Variants in CD248 observed in about 807,000 individuals in gnomAD.
CD248 encodes endosialin.
A neutral mutation model predicts 8.0 loss-of-function variants in CD248; 7 were observed. The observed-to-expected ratio is 0.88, with a 90% CI of 0.50 to 1.64. CD248 has a LOEUF of 1.64. Ranked by LOEUF, CD248 falls within the 40% of genes most tolerant of loss-of-function variation. The pLI, the probability that CD248 is intolerant of heterozygous loss-of-function variation, is 0.00. For missense variants in CD248, 912 were observed against 1,027.2 expected (o/e 0.89, Z 1.53); for synonymous variants, 418 against 437.1 (o/e 0.96, Z 0.54).
At position 66,314,816 on chromosome 11, in the gene CD248, T is replaced by C; in HGVS notation, c.2212A>G (p.Thr738Ala). 1.3e-6 allele frequency: 2 copies of C among 1,570,582 alleles called. No individual in the cohort carries two copies. The highest frequency in any genetic ancestry group is 1.2e-5 in the South Asian group (1 of 85,956). Residue 738 changes from threonine (T) to alanine (A), a missense_variant, in exon 1 of 1, where the codon ACA becomes GCA. Around this residue, in one of 3 missense-constraint regions of CD248, gnomAD observed 507 missense variants for 562.2 expected, o/e 0.90. Coordinates refer to ENST00000311330, the MANE Select transcript of CD248 (RefSeq NM_020404.3). The surrounding 1 kb of genome is among the most constrained non-coding windows in gnomAD (Gnocchi z 4.0). ...WVIHAGSKSP[T>A]EPMPPRGSLT... ...CTGCCCCTGGGGGGCATGGGTTCTG[T>C]TGGGCTCTTGCTCCCAGCATGGATG...
In CD248 at chr11:66,315,148, G is replaced by T. The variant is rs1854528652; in HGVS notation, c.1880C>A (p.Thr627Asn). 3 of 1,531,374 alleles carry T rather than the reference G, an allele frequency of 2.0e-6. No homozygotes were observed. The highest frequency in any genetic ancestry group is 1.3e-5 in the South Asian group (1 of 77,816). The allele number at this position is 1,531,374 out of a possible 1,614,324, so 94.9% of individuals were successfully genotyped here. Reference sequence around the variant, plus strand: ...AGGGCTGATGGGTGAGGTCTGGTTAGTGGGGCTCTGAGAGGGCAGGAGGGT... The same window carrying T: ...AGGGCTGATGGGTGAGGTCTGGTTATTGGGGCTCTGAGAGGGCAGGAGGGT... The part of the protein sequence containing the change: ...LPTLLPSQSP[T>N]NQTSPISPTH... Residue 627 changes from threonine to asparagine, a missense_variant, in exon 1 of 1, where the codon ACT (threonine) becomes AAT (asparagine). Coordinates refer to ENST00000311330, the MANE Select transcript of CD248 (RefSeq NM_020404.3). This position sits in a 1 kb window ranked among gnomAD's most constrained non-coding sequence, Gnocchi z 4.3.
Position 66,315,293 on chromosome 11 carries a change from C to T in CD248, c.1735G>A (p.Ala579Thr). ...APDALVLRTQATQLPIIPTAQ... is the reference protein window; with the variant it reads ...APDALVLRTQTTQLPIIPTAQ... ...GTTGGGATAATGGGAAGCTGGGTGG[C>T]CTGGGTTCTGAGGACAAGGGCATCT... The change falls in exon 1 of 1, where the codon GCC becomes ACC. Residue 579 changes from alanine (A) to threonine (T), a missense_variant. Ala to Thr is a moderately conservative substitution (Grantham distance 58). Transcript: ENST00000311330. The surrounding 1 kb of genome is among the most constrained non-coding windows in gnomAD (Gnocchi z 4.3). 6.5e-7 allele frequency: 1 copy of T among 1,547,530 alleles called. No individual in the cohort carries two copies. Among genetic ancestry groups the T allele is most frequent in the South Asian group, 1.2e-5 (1 of 80,532 alleles).
At position 66,315,497 on chromosome 11, in the gene CD248, C is replaced by T. The variant is rs1854535328; in HGVS notation, c.1531G>A (p.Ala511Thr). The change falls in exon 1 of 1, where the codon GCC (alanine) becomes ACC (threonine). Residue 511 changes from alanine to threonine, a missense_variant. Ala to Thr is a moderately conservative substitution (Grantham distance 58). Coordinates refer to ENST00000311330, the MANE Select transcript of CD248 (RefSeq NM_020404.3). The surrounding 1 kb of genome is among the most constrained non-coding windows in gnomAD (Gnocchi z 4.3). Reference sequence around the variant, plus strand: ...GTTGAGATCATAGGGGGCTGGTGGGCAGGAGGCTGTGCTGAATGAGAGACA... The same window carrying T: ...GTTGAGATCATAGGGGGCTGGTGGGTAGGAGGCTGTGCTGAATGAGAGACA... ...LSVSHSAQPPAHQPPMISTKY... is the reference protein window; with the variant it reads ...LSVSHSAQPPTHQPPMISTKY... 2 of 1,613,942 alleles carry T rather than the reference C, an allele frequency of 1.2e-6. No homozygotes were observed. Among genetic ancestry groups the T allele is most frequent in the Non-Finnish European group, 1.7e-6 (2 of 1,179,972 alleles).
Position 66,315,311 on chromosome 11 carries a change from G to C in CD248, c.1717C>G (p.Leu573Val). 1 of 1,563,086 alleles carries C rather than the reference G, an allele frequency of 6.4e-7. No individual in the cohort carries two copies. The highest frequency in any genetic ancestry group is 8.7e-7 in the Non-Finnish European group (1 of 1,152,718). The change falls in exon 1 of 1, where the codon CTT (leucine) becomes GTT (valine). Residue 573 changes from leucine to valine, a missense_variant. By Grantham distance (32) the Leu-to-Val change is conservative. Around this residue, in one of 3 missense-constraint regions of CD248, gnomAD observed 507 missense variants for 562.2 expected, o/e 0.90. Transcript: ENST00000311330. This position sits in a 1 kb window ranked among gnomAD's most constrained non-coding sequence, Gnocchi z 4.3. ...AQLPPQAPDA[L>V]VLRTQATQLP... ...TGGGTGGCCTGGGTTCTGAGGACAAGGGCATCTGGGGCTTGAGGGGGTAGC... is the reference window on the plus strand; with the variant it reads ...TGGGTGGCCTGGGTTCTGAGGACAACGGCATCTGGGGCTTGAGGGGGTAGC...
rs1163132338 is a variant in CD248 at position 66,315,323 on chromosome 11, C to T, written c.1705G>A (p.Ala569Thr). 21 of 1,569,282 alleles carry T rather than the reference C, an allele frequency of 1.3e-5. No homozygotes were observed. Among genetic ancestry groups the T allele is most frequent in the Non-Finnish European group, 1.7e-5 (20 of 1,155,506 alleles). Residue 569 changes from alanine (A) to threonine (T), a missense_variant, in exon 1 of 1, where the codon GCC becomes ACC. Physicochemically the swap from Ala to Thr is moderately conservative, Grantham distance 58. Coordinates refer to ENST00000311330, the MANE Select transcript of CD248 (RefSeq NM_020404.3). This position sits in a 1 kb window ranked among gnomAD's most constrained non-coding sequence, Gnocchi z 4.3. ...GTTCTGAGGACAAGGGCATCTGGGG[C>T]TTGAGGGGGTAGCTGGGCACCGAGG... Reference protein sequence around the residue: ...TTLGAQLPPQAPDALVLRTQA... With the variant: ...TTLGAQLPPQTPDALVLRTQA...
chr11:66,316,935 G>A lies in CD248; in HGVS notation c.93C>T (p.Pro31=). The change falls in exon 1 of 1, where the codon CCC becomes CCT. Residue 31 remains proline, a synonymous_variant. Transcript: ENST00000311330. ...GTGGGAAGAGAGCGTAGCAGCTGCT[G>A]GGGCCGCAGGCGGCACGGGGCTCAG... ...WAAEPRAACG[P]SSCYALFPRR... 6.4e-7 allele frequency: 1 copy of A among 1,553,858 alleles called. No individual in the cohort carries two copies. The highest frequency in any genetic ancestry group is 1.9e-5 in the Admixed American group (1 of 53,320).
chr11:66,315,650 G>T lies in CD248; in HGVS notation c.1378C>A (p.Leu460Met). 1 of 1,614,000 alleles carries T rather than the reference G, an allele frequency of 6.2e-7. No individual in the cohort carries two copies. The highest frequency in any genetic ancestry group is 8.5e-7 in the Non-Finnish European group (1 of 1,179,964). Residue 460 changes from leucine to methionine, a missense_variant, in exon 1 of 1, where the codon CTG becomes ATG. Coordinates refer to ENST00000311330, the MANE Select transcript of CD248 (RefSeq NM_020404.3). The surrounding 1 kb of genome is among the most constrained non-coding windows in gnomAD (Gnocchi z 4.3). ...PVVVSATHPT[L>M]PSAHQPPVIP... The stretch of plus-strand genomic sequence containing the variant: ...ACAGGAGGCTGGTGGGCAGAAGGCA[G>T]TGTGGGATGCGTGGCAGAGACCACC...
In CD248 at chr11:66,315,652, G is replaced by A; in HGVS notation, c.1376C>T (p.Thr459Ile). 4.3e-6 allele frequency: 7 copies of A among 1,613,954 alleles called. No individual in the cohort carries two copies. The highest frequency in any genetic ancestry group is 5.1e-6 in the Non-Finnish European group (6 of 1,179,958). The change falls in exon 1 of 1, where the codon ACA becomes ATA. Residue 459 changes from threonine (T) to isoleucine (I), a missense_variant. Thr to Ile is a moderately conservative substitution (Grantham distance 89, BLOSUM62 -1). Transcript: ENST00000311330. The surrounding 1 kb of genome is among the most constrained non-coding windows in gnomAD (Gnocchi z 4.3). ...AGGAGGCTGGTGGGCAGAAGGCAGT[G>A]TGGGATGCGTGGCAGAGACCACCAC... ...RPVVVSATHP[T>I]LPSAHQPPVI...
rs1193977187 is a variant in CD248, at chr11:66,316,653, G to GGGGCCTCCAGAGGCTGGCTGGGCCC, written c.350_374dup (p.Cys126GlyfsTer53). 1 of 1,605,474 alleles carries GGGGCCTCCAGAGGCTGGCTGGGCCC rather than the reference G, an allele frequency of 6.2e-7. No homozygotes were observed. The highest frequency in any genetic ancestry group is 1.3e-5 in the African/African-American group (1 of 74,908). ...GGGCCACACAGCGCTGGGCCGGGCA[G>GGGGCCTCCAGAGGCTGGCTGGGCCC]GGGCCTCCAGAGGCTGGCTGGGCCC... On this transcript the variant is annotated frameshift_variant, in exon 1 of 1. Transcript: ENST00000311330. LOFTEE classifies it low-confidence loss of function (END_TRUNC).
rs375102677 is a variant in CD248 at position 66,315,935 on chromosome 11, C to G, written c.1093G>C (p.Gly365Arg). The stretch of plus-strand genomic sequence containing the variant: ...TCCCCGTCATCCAGCAACTCATCTC[C>G]GAGGTCCTGGGAAGCCTGGGCACCC... ...AMGAQASQDL[G>R]DELLDDGEDE... The change falls in exon 1 of 1, where the codon GGA becomes CGA. Residue 365 changes from glycine (G) to arginine (R), a missense_variant. Gly to Arg is a moderately radical substitution (Grantham distance 125). Around this residue, in one of 3 missense-constraint regions of CD248, gnomAD observed 507 missense variants for 562.2 expected, o/e 0.90. Coordinates refer to ENST00000311330, the MANE Select transcript of CD248 (RefSeq NM_020404.3). This position sits in a 1 kb window ranked among gnomAD's most constrained non-coding sequence, Gnocchi z 4.3. 44 of 1,613,394 alleles carry G rather than the reference C, an allele frequency of 2.7e-5. No homozygotes were observed. Among genetic ancestry groups the G allele is most frequent in the Non-Finnish European group, 3.6e-5 (42 of 1,180,022 alleles).
In CD248 at chr11:66,316,126, C is replaced by G; in HGVS notation, c.902G>C (p.Arg301Pro). The change falls in exon 1 of 1, where the codon CGG becomes CCG. Residue 301 changes from arginine to proline, a missense_variant. This residue lies in a region of CD248 where 403 missense variants were observed against 446.2 expected (regional missense o/e 0.90). Coordinates refer to ENST00000311330, the MANE Select transcript of CD248 (RefSeq NM_020404.3). ...GYSCHCRLGF[R>P]PAEDDPHRCV... ...GCGGTGCGGATCATCCTCCGCTGGC[C>G]GGAAACCCAGGCGACAGTGGCAGCT... The G allele has an allele frequency of 6.2e-7, 1 of 1,613,348 alleles. No individual in the cohort carries two copies.
chr11:66,314,552 G>C lies in CD248; in HGVS notation c.*202C>G, dbSNP rs1854520279. 3.5e-6 allele frequency: 2 copies of C among 564,120 alleles called. No homozygotes were observed. The highest frequency in any genetic ancestry group is 6.3e-6 in the Non-Finnish European group (2 of 317,220). The allele number at this position is 564,120 out of a possible 1,614,324, so 34.9% of individuals were successfully genotyped here. On this transcript the variant is annotated 3_prime_UTR_variant, in exon 1 of 1. Coordinates refer to ENST00000311330, the MANE Select transcript of CD248 (RefSeq NM_020404.3). This position sits in a 1 kb window ranked among gnomAD's most constrained non-coding sequence, Gnocchi z 4.0. ...CAGCACCCGCCCCCTGAGGTCTTAA[G>C]GGCTTTGGTGTATCCTTGGTCACGA...
In CD248 at chr11:66,316,983, T is replaced by C; in HGVS notation, c.45A>G (p.Thr15=). The change falls in exon 1 of 1, where the codon ACA becomes ACG. Residue 15 remains threonine, a synonymous_variant. Coordinates refer to ENST00000311330, the MANE Select transcript of CD248 (RefSeq NM_020404.3). ...CAGCAGCCCAGGGGTCCTGGCCCAG[T>C]GTGGGCCCTGCGGCCGCCCAGGCCA... The part of the protein sequence containing the change: ...LLLAWAAAGP[T]LGQDPWAAEP... 4 of 1,503,932 alleles carry C rather than the reference T, an allele frequency of 2.7e-6. No homozygotes were observed. The South Asian group carries it at 3.8e-5, about 14-fold the overall frequency. 93.2% of individuals were successfully genotyped at this position (1,503,932 alleles called of 1,614,324 possible). A position where few individuals can be genotyped will look rare whatever the true frequency, so the allele number is the denominator to read the frequency against.
chr11:66,315,373 G>T lies in CD248; in HGVS notation c.1655C>A (p.Pro552His). 1 of 1,607,324 alleles carries T rather than the reference G, an allele frequency of 6.2e-7. No individual in the cohort carries two copies. The change falls in exon 1 of 1, where the codon CCT (proline) becomes CAT (histidine). Residue 552 changes from proline (P) to histidine (H), a missense_variant. Physicochemically the swap from Pro to His is moderately conservative, Grantham distance 77. Around this residue, in one of 3 missense-constraint regions of CD248, gnomAD observed 507 missense variants for 562.2 expected, o/e 0.90. Transcript: ENST00000311330. The surrounding 1 kb of genome is among the most constrained non-coding windows in gnomAD (Gnocchi z 4.3). Reference sequence around the variant, plus strand: ...GGTGGTGACCAGAGGGGCATGGTTAGGTGGGATTCCAGGCAAATGAGTGGT... The same window carrying T: ...GGTGGTGACCAGAGGGGCATGGTTATGTGGGATTCCAGGCAAATGAGTGGT... ...QTTTHLPGIP[P>H]NHAPLVTTLG...
In CD248 at chr11:66,315,148, G is replaced by A; in HGVS notation, c.1880C>T (p.Thr627Ile). The change falls in exon 1 of 1, where the codon ACT becomes ATT. Residue 627 changes from threonine (T) to isoleucine (I), a missense_variant. Transcript: ENST00000311330. The surrounding 1 kb of genome is among the most constrained non-coding windows in gnomAD (Gnocchi z 4.3). ...AGGGCTGATGGGTGAGGTCTGGTTA[G>A]TGGGGCTCTGAGAGGGCAGGAGGGT... Reference protein sequence around the residue: ...LPTLLPSQSPTNQTSPISPTH... With the variant: ...LPTLLPSQSPINQTSPISPTH... 6.5e-7 allele frequency: 1 copy of A among 1,531,492 alleles called. No homozygotes were observed. Among genetic ancestry groups the A allele is most frequent in the Non-Finnish European group, 8.8e-7 (1 of 1,140,920 alleles). The allele number at this position is 1,531,492 out of a possible 1,614,324, so 94.9% of individuals were successfully genotyped here. A position where few individuals can be genotyped will look rare whatever the true frequency, so the allele number is the denominator to read the frequency against.
rs758826936 is a variant in CD248 at position 66,315,389 on chromosome 11, A to C, written c.1639T>G (p.Leu547Val). Residue 547 changes from leucine to valine, a missense_variant, in exon 1 of 1, where the codon TTG becomes GTG. Leu to Val is a conservative substitution (Grantham distance 32, BLOSUM62 1). This residue lies in a region of CD248 where 507 missense variants were observed against 562.2 expected (regional missense o/e 0.90). Coordinates refer to ENST00000311330, the MANE Select transcript of CD248 (RefSeq NM_020404.3). This position sits in a 1 kb window ranked among gnomAD's most constrained non-coding sequence, Gnocchi z 4.3. ...RVAGTQTTTH[L>V]PGIPPNHAPL... ...GCATGGTTAGGTGGGATTCCAGGCA[A>C]ATGAGTGGTGGTCTGGGTGCCAGCG... 2.0e-5 allele frequency: 32 copies of C among 1,610,398 alleles called. No homozygotes were observed. The South Asian group carries it at 3.4e-4, about 17-fold the overall frequency.
At position 66,316,891 on chromosome 11, in the gene CD248, T is replaced by C; in HGVS notation, c.137A>G (p.Glu46Gly). The C allele has an allele frequency of 6.4e-7, 1 of 1,554,488 alleles. No homozygotes were observed. The highest frequency in any genetic ancestry group is 8.6e-7 in the Non-Finnish European group (1 of 1,160,004). The change falls in exon 1 of 1, where the codon GAG becomes GGG. Residue 46 changes from glutamate (E) to glycine (G), a missense_variant. Coordinates refer to ENST00000311330, the MANE Select transcript of CD248 (RefSeq NM_020404.3). ...CAGCTCGCGGCAGGCCCGCCAGGCC[T>C]CCAGGAAGGTGCGGCGCCGTGGGAA... The part of the protein sequence containing the change: ...ALFPRRRTFL[E>G]AWRACRELGG...
Position 66,315,532 on chromosome 11 carries a change from C to G in CD248, c.1496G>C (p.Gly499Ala). ...YPDLPSAYQP[G>A]ILSVSHSAQP... is the part of the protein sequence containing the mutation. Reference sequence around the variant, plus strand: ...TGCTGAATGAGAGACAGAGAGAATACCGGGTTGGTAGGCAGAAGGCAGATC... The same window carrying G: ...TGCTGAATGAGAGACAGAGAGAATAGCGGGTTGGTAGGCAGAAGGCAGATC... Residue 499 changes from glycine to alanine, a missense_variant, in exon 1 of 1, where the codon GGT becomes GCT. By Grantham distance (60) the Gly-to-Ala change is moderately conservative. Around this residue, in one of 3 missense-constraint regions of CD248, gnomAD observed 507 missense variants for 562.2 expected, o/e 0.90. Coordinates refer to ENST00000311330, the MANE Select transcript of CD248 (RefSeq NM_020404.3). The surrounding 1 kb of genome is among the most constrained non-coding windows in gnomAD (Gnocchi z 4.3). 1 of 1,613,620 alleles carries G rather than the reference C, an allele frequency of 6.2e-7. No individual in the cohort carries two copies. The highest frequency in any genetic ancestry group is 8.5e-7 in the Non-Finnish European group (1 of 1,179,884).
chr11:66,315,883 C>T lies in CD248; in HGVS notation c.1145G>A (p.Trp382Ter). The T allele has an allele frequency of 1.9e-6, 3 of 1,613,906 alleles. No homozygotes were observed. The highest frequency in any genetic ancestry group is 2.5e-6 in the Non-Finnish European group (3 of 1,180,002). Residue 382 changes from tryptophan (W) to a stop codon, truncating the protein, a stop_gained, in exon 1 of 1, where the codon TGG becomes TAG. Coordinates refer to ENST00000311330, the MANE Select transcript of CD248 (RefSeq NM_020404.3). LOFTEE classifies it low-confidence loss of function (END_TRUNC). This position sits in a 1 kb window ranked among gnomAD's most constrained non-coding sequence, Gnocchi z 4.3. ...GEDEEDEDEA[W>*]KAFNGGWTEM... ...CGTCCAGCCACCGTTGAAGGCCTTCCAGGCCTCGTCTTCATCTTCCTCATC... is the reference window on the plus strand; with the variant it reads ...CGTCCAGCCACCGTTGAAGGCCTTCTAGGCCTCGTCTTCATCTTCCTCATC...
Sources: allele counts gnomAD v4.1 joint callset, GRCh38; gene constraint gnomAD v4.1.1; regional missense constraint gnomAD v4.1.1; non-coding constraint Gnocchi (gnomAD v3.1); transcripts MANE v1.5; gene names NCBI Gene and HGNC (gene_info 2026-07-23, HGNC 2026-07-21).